RUNX1: variants seen among roughly 807,000 people sequenced by gnomAD.
RUNX1 encodes runt-related transcription factor 1.
A neutral mutation model predicts 42.8 loss-of-function variants in RUNX1; 19 were observed. The ratio of observed to expected loss-of-function variants is 0.44; its 90% confidence interval spans 0.31 to 0.65. The LOEUF (loss-of-function observed/expected upper bound fraction) is 0.65, where lower values mean the gene tolerates loss of function less well. Among genes scored for constraint, RUNX1 ranks in the 30% least tolerant of loss-of-function variants. RUNX1 has a pLI of 0.07. For synonymous variants in RUNX1, 271 were observed against 289.4 expected (o/e 0.94, Z 0.64); for missense variants, 528 against 672.0 (o/e 0.79, Z 2.37).
intron 7 of RUNX1, among the ~76,000 whole-genome samples, chr21:34,822,410 G>A (rs1292158791): frequency 6.6e-6 from 1 of 152,186 alleles, no homozygotes; most frequent in Non-Finnish European, 1.5e-5. Flanking sequence ...ACCAGGCAAT[G>A]TCCTTGTCAT....
At chr21:34,881,446 A>T (rs1000357204) in intron 4 of RUNX1, among the ~76,000 whole-genome samples, 3 of 152,198 alleles carry the variant, frequency 2.0e-5, no homozygotes, top group Admixed American at 6.5e-5. Flanking sequence ...CAAGAAAAAA[A>T]AATCAGAAAT....
At chr21:34,975,527 A>T (rs1357989284) in intron 2 of RUNX1, among the ~76,000 whole-genome samples, 1 of 152,234 alleles carries the variant, frequency 6.6e-6, no homozygotes, top group Non-Finnish European at 1.5e-5. Flanking sequence ...TTTAGAAAAG[A>T]GACTTGAGCA....
intron 8 of RUNX1, among the ~76,000 whole-genome samples, chr21:34,793,626 C>T (rs966984174): frequency 1.3e-5 from 2 of 152,142 alleles, no homozygotes; most frequent in Admixed American, 1.3e-4. Flanking sequence ...CATGTACTGC[C>T]TGTGGTTGCT....
At chr21:34,854,890 G>A (rs992689247) in intron 6 of RUNX1, among the ~76,000 whole-genome samples, 1 of 152,060 alleles carries the variant, frequency 6.6e-6, no homozygotes, top group Admixed American at 6.6e-5. Flanking sequence ...TGTACTTCCC[G>A]GCATCTGCTG....
intron 7 of RUNX1, among the ~76,000 whole-genome samples, chr21:34,815,396 G>T (rs551774913): frequency 6.6e-6 from 1 of 152,324 alleles, no homozygotes; most frequent in East Asian, 1.9e-4. Context: ...TTTTGTAGTT[G>T]CTGTGGAGGA....
intron 2 of RUNX1, among the ~76,000 whole-genome samples, chr21:34,964,830 T>C (rs2058706991): frequency 6.6e-6 from 1 of 152,224 alleles, no homozygotes; most frequent in South Asian, 2.1e-4. Context: ...TGACTTGCCC[T>C]GAGGGCATGA....
intron 7 of RUNX1, among the ~76,000 whole-genome samples, chr21:34,831,522 C>T (rs1404457457): frequency 6.6e-6 from 1 of 152,180 alleles, no homozygotes; most frequent in Non-Finnish European, 1.5e-5. Flanking sequence ...AGGTAGGGTT[C>T]CTGAGCCTTT....
chr21:34,928,400 G>A (rs1408085594), intron 2 of RUNX1, among the ~76,000 whole-genome samples: 1 of 152,044 alleles, frequency 6.6e-6, no homozygotes, highest in Non-Finnish European at 1.5e-5. Context: ...CTCTATAAGG[G>A]CCAAGTTACG....
intron 2 of RUNX1, among the ~76,000 whole-genome samples, chr21:34,921,084 A>C (rs4816499): frequency 0.81 from 123,033 of 152,144 alleles, 51,028 homozygotes; most frequent in South Asian, 0.93. Context: ...GTCTTAAACA[A>C]CTGACCTCAA....
At chr21:34,848,854 C>T (rs1355705596) in intron 6 of RUNX1, among the ~76,000 whole-genome samples, 1 of 152,054 alleles carries the variant, frequency 6.6e-6, no homozygotes, top group Non-Finnish European at 1.5e-5. Flanking sequence ...AAATATCATA[C>T]AACCACTTCA....
At chr21:34,894,727 A>G (rs1294347557) in intron 2 of RUNX1, among the ~76,000 whole-genome samples, 3 of 152,066 alleles carry the variant, frequency 2.0e-5, no homozygotes, top group Non-Finnish European at 2.9e-5. Context: ...ATGTAATTAT[A>G]TGCCAGGCAA....
chr21:34,930,270 G>GTGTGTATATATATATATATATA (rs372412304), intron 2 of RUNX1, among the ~76,000 whole-genome samples: 49 of 122,844 alleles, frequency 4.0e-4, no homozygotes, highest in South Asian at 1.2e-3. Context: ...GTGTGTGTAT[G>GTGTGTATATATATATATATATA]TATATATATA....
chr21:34,853,261 G>A (rs980944849), intron 6 of RUNX1, among the ~76,000 whole-genome samples: 5 of 152,176 alleles, frequency 3.3e-5, no homozygotes, highest in East Asian at 1.9e-4. Flanking sequence ...GGAGGTGTGG[G>A]AGGGGAGGGT....
chr21:34,996,329 A>C (rs13052096), intron 2 of RUNX1, among the ~76,000 whole-genome samples: 22,084 of 152,048 alleles, frequency 0.15, 1,773 homozygotes, highest in Admixed American at 0.22. Flanking sequence ...AAAGTGGTAC[A>C]GGAGAGAAAA....
chr21:34,908,195 C>A (rs551328006), intron 2 of RUNX1, among the ~76,000 whole-genome samples: 2 of 152,094 alleles, frequency 1.3e-5, no homozygotes, highest in Non-Finnish European at 2.9e-5. Context: ...AAAAGTCATT[C>A]GAACAGAGTA....
chr21:34,908,748 T>C (rs2058246715), intron 2 of RUNX1, among the ~76,000 whole-genome samples: 1 of 152,226 alleles, frequency 6.6e-6, no homozygotes, highest in Admixed American at 6.5e-5. Flanking sequence ...TTTGTGTTTG[T>C]TTTATCAGAC....
chr21:35,007,833 C>A (rs141004718), intron 2 of RUNX1, among the ~76,000 whole-genome samples: 123 of 152,284 alleles, frequency 8.1e-4, no homozygotes, highest in African/African-American at 2.8e-3. Context: ...CCGATGAGAT[C>A]CTTTTATAAT....
intron 1 of RUNX1, 56 bp from the exon 2 acceptor site, chr21:35,049,014 C>T: frequency 1.2e-6 from 1 of 858,602 alleles, no homozygotes; most frequent in Non-Finnish European, 2.0e-6. Flanking sequence ...TCTAGCCCTA[C>T]ATCTCTCTTT....
At chr21:35,000,179 G>C (rs767941998) in intron 2 of RUNX1, among the ~76,000 whole-genome samples, 1 of 149,466 alleles carries the variant, frequency 6.7e-6, no homozygotes, top group African/African-American at 2.5e-5. Context: ...AAAGGAAACT[G>C]TGTCTACTGA....
Sources: allele counts gnomAD v4.1 joint callset (sites outside exome capture counted in the v4.1 genomes callset), GRCh38; gene constraint gnomAD v4.1.1; transcripts MANE v1.5; gene names NCBI Gene and HGNC (gene_info 2026-07-23, HGNC 2026-07-21).